The following SMC5 variants were observed in gnomAD, a reference collection of about 807,000 sequenced individuals.
SMC5 encodes the protein structural maintenance of chromosomes protein 5.
A neutral mutation model predicts 148.3 loss-of-function variants in SMC5; 88 were observed. The ratio of observed to expected loss-of-function variants is 0.59; its 90% CI spans 0.50 to 0.71. The LOEUF is 0.71. SMC5 is among the 30% of genes least tolerant of loss of function. The pLI, the probability that SMC5 is intolerant of heterozygous loss-of-function variation, is 0.00. For missense variants in SMC5, 1,142 were observed against 1,298.9 expected, an observed-to-expected ratio of 0.88 and a Z score of 1.86; for synonymous variants, 421 against 432.8, an observed-to-expected ratio of 0.97 and a Z score of 0.34.
intron 2 of SMC5, among the ~76,000 whole-genome samples, chr9:70,265,389 G>C (rs1282177366): frequency 6.6e-6 from 1 of 152,146 alleles, no homozygotes; most frequent in African/African-American, 2.4e-5. Context: ...AATCCAGGAG[G>C]CGGAGGTTAT....
intron 5 of SMC5, among the ~76,000 whole-genome samples, chr9:70,279,461 A>G (rs372334747): frequency 6.6e-6 from 1 of 152,058 alleles, no homozygotes; most frequent in African/African-American, 2.4e-5. Flanking sequence ...CAAGGTTGCA[A>G]TGAGCTGTGA....
At chr9:70,335,141 T>C (rs1382099505) in intron 17 of SMC5, among the ~76,000 whole-genome samples, 1 of 152,136 alleles carries the variant, frequency 6.6e-6, no homozygotes, top group South Asian at 2.1e-4. Flanking sequence ...AATGAAAGAA[T>C]ATGTCTATGA....
intron 1 of SMC5, among the ~76,000 whole-genome samples, chr9:70,260,158 G>A (rs928952015): frequency 6.6e-6 from 1 of 152,098 alleles, no homozygotes; most frequent in East Asian, 1.9e-4. Flanking sequence ...GGGCTGGAAG[G>A]TAGTGGCGCA....
At chr9:70,343,509 A>G (rs962167395) in intron 17 of SMC5, among the ~76,000 whole-genome samples, 7 of 152,086 alleles carry the variant, frequency 4.6e-5, no homozygotes, top group Admixed American at 4.6e-4. Flanking sequence ...GTGTATCTCA[A>G]ATCTGATTAT....
intron 3 of SMC5, among the ~76,000 whole-genome samples, chr9:70,273,547 ATT>A (rs2034507741): frequency 6.6e-6 from 1 of 151,988 alleles, no homozygotes; most frequent in African/African-American, 2.4e-5. Flanking sequence ...TGAAATGGAT[ATT>A]TATTGCACTA....
chr9:70,326,675 G>A (rs1229674210), intron 17 of SMC5, among the ~76,000 whole-genome samples: 1 of 146,984 alleles, frequency 6.8e-6, no homozygotes, highest in Non-Finnish European at 1.5e-5. Context: ...CATCTAAATA[G>A]ATCTTATATT....
At chr9:70,288,058 G>C (rs745483672) in intron 8 of SMC5, among the ~76,000 whole-genome samples, 1 of 151,958 alleles carries the variant, frequency 6.6e-6, no homozygotes, top group Non-Finnish European at 1.5e-5. Flanking sequence ...TTTTATTAGG[G>C]TTAGGCAGAA....
At position 70,281,695 on chromosome 9, in the gene SMC5, C is replaced by G. The variant is rs560452664; in HGVS notation, c.820-727C>G. On this transcript the variant is annotated intron_variant, in intron 6 of 24. Coordinates refer to ENST00000361138, the MANE Select transcript of SMC5 (RefSeq NM_015110.4). ...TTGTGGCATTCTTGTTCTGTCTTCCCCCTTCTACCTACCCTATTCCATCAT... is the reference window on the plus strand; with the variant it reads ...TTGTGGCATTCTTGTTCTGTCTTCCGCCTTCTACCTACCCTATTCCATCAT... Among the ~76,000 whole-genome samples, 78 of 152,040 alleles carry G rather than the reference C, an allele frequency of 5.1e-4. 1 individual carries two copies. Among genetic ancestry groups the G allele is most frequent in the Admixed American group, 1.2e-3 (19 of 15,268 alleles).
At chr9:70,305,133 T>A (rs1008020644) in intron 10 of SMC5, 114 bp from the exon 11 acceptor site, 7 of 558,226 alleles carry the variant, frequency 1.3e-5, no homozygotes, top group African/African-American at 1.9e-5. Flanking sequence ...TCTTTTTTTT[T>A]ATCTTGTTTT....
chr9:70,350,338 C>T (rs1219135007), intron 23 of SMC5, 38 bp from the exon 24 acceptor site: 1 of 1,609,088 alleles, frequency 6.2e-7, no homozygotes, highest in Non-Finnish European at 8.5e-7. Context: ...TATCCTGTAA[C>T]AGGAATAAAT....
At chr9:70,294,864 T>C (rs1482527518) in intron 8 of SMC5, among the ~76,000 whole-genome samples, 2 of 152,090 alleles carry the variant, frequency 1.3e-5, no homozygotes, top group Admixed American at 1.3e-4. Flanking sequence ...ACAGATATAA[T>C]GATGGAGAGA....
chr9:70,308,135 G>C (rs2035555392), intron 11 of SMC5, among the ~76,000 whole-genome samples: 1 of 151,942 alleles, frequency 6.6e-6, no homozygotes. Flanking sequence ...GATAATATGT[G>C]CACCATGAAT....
intron 10 of SMC5, among the ~76,000 whole-genome samples, chr9:70,304,203 C>A (rs1298885585): frequency 6.6e-6 from 1 of 152,102 alleles, no homozygotes; most frequent in Non-Finnish European, 1.5e-5. Context: ...ATATTCCCAC[C>A]TCAGCCTCCC....
At chr9:70,345,761 A>G (rs553400688) in intron 18 of SMC5, among the ~76,000 whole-genome samples, 2 of 152,226 alleles carry the variant, frequency 1.3e-5, no homozygotes, top group East Asian at 1.9e-4. Flanking sequence ...TGGAAAAGTG[A>G]CATTACTACT....
intron 17 of SMC5, among the ~76,000 whole-genome samples, chr9:70,325,935 A>G (rs964732947): frequency 6.6e-6 from 1 of 152,174 alleles, no homozygotes; most frequent in African/African-American, 2.4e-5. Context: ...CAGAATAAAA[A>G]TAAAAGTCTT....
intron 17 of SMC5, among the ~76,000 whole-genome samples, chr9:70,343,914 C>G (rs2036591489): frequency 6.6e-6 from 1 of 151,888 alleles, no homozygotes; most frequent in Admixed American, 6.6e-5. Context: ...AAATTTTACA[C>G]CTCTTATGGA....
chr9:70,350,492 A>C lies in SMC5; in HGVS notation c.3165+21A>C, dbSNP rs373615307. The C allele has an allele frequency of 5.5e-5, 83 of 1,513,270 alleles. 2 individuals carry two copies. The African/African-American group carries it at 1.1e-3, about 19-fold the overall frequency. The allele number at this position is 1,513,270 out of a possible 1,614,324, so 93.7% of individuals were successfully genotyped here. A position where few individuals can be genotyped will look rare whatever the true frequency, so the allele number is the denominator to read the frequency against. On this transcript the variant is annotated intron_variant, in intron 24 of 24. Transcript: ENST00000361138. ...CAAAGGTAGGTAAAAAGTAACCTAA[A>C]AGTGGTCATATACTCAGAAATCTCC...
rs1296701673 is a variant in SMC5 at position 70,277,418 on chromosome 9, G to T, written c.489G>T (p.Glu163Asp). 5 of 1,603,478 alleles carry T rather than the reference G, an allele frequency of 3.1e-6. No homozygotes were observed. The Admixed American group carries it at 6.8e-5, about 22-fold the overall frequency. ...CTACAACCCAGAAAATAGTGGAAGAGAAAGTTGCAGCCTTAAATATTCAAG... is the reference window on the plus strand; with the variant it reads ...CTACAACCCAGAAAATAGTGGAAGATAAAGTTGCAGCCTTAAATATTCAAG... The part of the protein sequence containing the change: ...KKSTTQKIVE[E>D]KVAALNIQVG... The change falls in exon 4 of 25, where the codon GAG becomes GAT. Residue 163 changes from glutamate to aspartate, a missense_variant. Physicochemically the swap from Glu to Asp is conservative, Grantham distance 45. Around this residue, in one of 5 missense-constraint regions of SMC5, gnomAD observed 297 missense variants for 302.6 expected, o/e 0.98. Transcript: ENST00000361138.
chr9:70,313,016 A>G (rs913193938), intron 11 of SMC5, among the ~76,000 whole-genome samples: 1 of 152,204 alleles, frequency 6.6e-6, no homozygotes, highest in Non-Finnish European at 1.5e-5. Context: ...AAAACATCTT[A>G]GTATAGACTT....
Sources: gnomAD v4.1 joint callset for allele counts (sites outside exome capture counted in the v4.1 genomes callset) on GRCh38, gnomAD v4.1.1 for gene constraint, gnomAD v4.1.1 regional missense constraint, MANE v1.5 for transcripts, NCBI Gene and HGNC (gene_info 2026-07-23, HGNC 2026-07-21) for gene names.